Variants in SASS6 observed in about 807,000 individuals in gnomAD.
SASS6 encodes the protein SAS-6 centriolar assembly protein, also known as spindle assembly abnormal protein 6 homolog.
In SASS6, 59 loss-of-function variants were observed where a neutral mutation model predicts 94.9. That is an observed-to-expected ratio of 0.62 (90% confidence interval 0.50 to 0.77). The LOEUF (loss-of-function observed/expected upper bound fraction) is 0.77. Among genes scored for constraint, SASS6 ranks in the 30% least tolerant of loss-of-function variants. The probability of loss-of-function intolerance (pLI) is 0.00; values close to 1 mark genes in which losing one functional copy is unlikely to be tolerated. For synonymous variants in SASS6, 264 were observed against 270.0 expected, an observed-to-expected ratio of 0.98 and a Z score of 0.22; for missense variants, 698 against 734.1, an observed-to-expected ratio of 0.95 and a Z score of 0.57.
rs146081118 is a variant in SASS6, at chr1:100,126,712, G to A, written c.66-770C>T. Among the ~76,000 whole-genome samples the A allele has an allele frequency of 8.3e-3, 1,266 of 152,206 alleles. 10 individuals are homozygous for A. Among genetic ancestry groups the A allele is most frequent in the Non-Finnish European group, 0.013 (898 of 68,010 alleles). ...GAAATGCGGAACCTGGTAGGCAGAG[G>A]CTGCAGTGAGCCAATACTGCACCAC... On this transcript the variant is annotated intron_variant, in intron 1 of 16. Transcript: ENST00000287482.
At chr1:100,112,774 T>A (rs1653444455) in intron 7 of SASS6, among the ~76,000 whole-genome samples, 1 of 152,214 alleles carries the variant, frequency 6.6e-6, no homozygotes, top group Admixed American at 6.5e-5. Context: ...AGTACGGTCC[T>A]CTGAACAGAA....
chr1:100,115,386 G>GGAGA (rs750727205), intron 7 of SASS6, among the ~76,000 whole-genome samples: 1 of 145,482 alleles, frequency 6.9e-6, no homozygotes, highest in Non-Finnish European at 1.5e-5. Flanking sequence ...AGAGAAAAAG[G>GGAGA]GAGAGAGAGA....
chr1:100,128,226 G>C (rs1049162912), intron 1 of SASS6, among the ~76,000 whole-genome samples: 1 of 152,096 alleles, frequency 6.6e-6, no homozygotes, highest in Non-Finnish European at 1.5e-5. Context: ...TAGTAGAGAT[G>C]GGGTTTCACC....
At chr1:100,093,170 T>TTTTCTTTC (rs1259459019) in intron 14 of SASS6, among the ~76,000 whole-genome samples, 4 of 143,704 alleles carry the variant, frequency 2.8e-5, no homozygotes, top group Non-Finnish European at 3.0e-5. Flanking sequence ...ATACCTATTG[T>TTTTCTTTC]TTTCTTTTTT....
At chr1:100,102,777 G>C (rs954329029) in intron 14 of SASS6, among the ~76,000 whole-genome samples, 178 bp downstream of exon 14, 7 of 150,996 alleles carry the variant, frequency 4.6e-5, no homozygotes, top group East Asian at 1.9e-4. Context: ...GAAATATATA[G>C]TGCATATATT....
At chr1:100,089,623 A>G (rs1387824310) in intron 14 of SASS6, among the ~76,000 whole-genome samples, 1 of 152,142 alleles carries the variant, frequency 6.6e-6, no homozygotes, top group African/African-American at 2.4e-5. Context: ...ATAGGAAAAA[A>G]ACTTGCCAAC....
chr1:100,085,121 T>G lies in SASS6; in HGVS notation c.*207A>C. On this transcript the variant is annotated 3_prime_UTR_variant, in exon 17 of 17. Coordinates refer to ENST00000287482, the MANE Select transcript of SASS6 (RefSeq NM_194292.3). ...CGCCATGTTCACAAACCAAAAAATG[T>G]CATTTACTCACAATCTTTACCAATC... 3 of 488,774 alleles carry G rather than the reference T, an allele frequency of 6.1e-6. No homozygotes were observed. The highest frequency in any genetic ancestry group is 1.1e-5 in the Non-Finnish European group (3 of 273,558). The allele number at this position is 488,774 out of a possible 1,614,324, so 30.3% of individuals were successfully genotyped here. A position where few individuals can be genotyped will look rare whatever the true frequency, so the allele number is the denominator to read the frequency against.
At chr1:100,123,586 C>A (rs1159334859) in intron 2 of SASS6, among the ~76,000 whole-genome samples, 2 of 152,188 alleles carry the variant, frequency 1.3e-5, no homozygotes, top group Non-Finnish European at 2.9e-5. Flanking sequence ...AGACCCAGTC[C>A]TTGCTACACC....
chr1:100,132,895 G>A lies in SASS6; in HGVS notation c.-81C>T, dbSNP rs1655199759. 3 of 1,349,692 alleles carry A rather than the reference G, an allele frequency of 2.2e-6. No homozygotes were observed. Among genetic ancestry groups the A allele is most frequent in the African/African-American group, 2.9e-5 (2 of 69,014 alleles). 83.6% of individuals were successfully genotyped at this position (1,349,692 alleles called of 1,614,324 possible). A position where few individuals can be genotyped will look rare whatever the true frequency, so the allele number is the denominator to read the frequency against. On this transcript the variant is annotated 5_prime_UTR_variant, in exon 1 of 17. Coordinates refer to ENST00000287482, the MANE Select transcript of SASS6 (RefSeq NM_194292.3). ...GATTAGCCTGAGAGGTCCGGGTCCT[G>A]ATAAAGTTTGAGTTTGGCGCTCGGC...
At chr1:100,105,401 C>T (rs559846679) in intron 13 of SASS6, among the ~76,000 whole-genome samples, 40 of 152,048 alleles carry the variant, frequency 2.6e-4, no homozygotes, top group Non-Finnish European at 5.3e-4. Flanking sequence ...GTGGTGGGCG[C>T]CTATAGTCCC....
chr1:100,085,668 C>A, intron 15 of SASS6, 38 bp from the exon 16 acceptor site: 2 of 1,254,210 alleles, frequency 1.6e-6, no homozygotes, highest in South Asian at 1.2e-5. Flanking sequence ...TTAACAAAGT[C>A]TTTATTAACT....
chr1:100,095,649 T>TAAC (rs1210252129), intron 14 of SASS6, among the ~76,000 whole-genome samples: 1 of 152,332 alleles, frequency 6.6e-6, no homozygotes, highest in East Asian at 1.9e-4. Context: ...TCAGATGACA[T>TAAC]AACTGTCTAT....
At position 100,105,047 on chromosome 1, in the gene SASS6, C is replaced by CT. The variant is rs1032995521; in HGVS notation, c.1545+719dup. 2.1e-4 allele frequency among the ~76,000 whole-genome samples: 32 copies of CT among 152,222 alleles called. 1 individual carries two copies. The East Asian group carries it at 5.0e-3, about 24-fold the overall frequency. On this transcript the variant is annotated intron_variant, in intron 13 of 16. Transcript: ENST00000287482. Reference sequence around the variant, plus strand: ...AAAGGTGACAAGCCTGCTAATAGGACTTTTTTCTTTTTTACTTTCTTTTCT... The same window carrying CT: ...AAAGGTGACAAGCCTGCTAATAGGACTTTTTTTCTTTTTTACTTTCTTTTCT...
In SASS6 at chr1:100,121,398, C is replaced by T; in HGVS notation, c.463G>A (p.Gly155Ser). 1 of 1,578,090 alleles carries T rather than the reference C, an allele frequency of 6.3e-7. No individual in the cohort carries two copies. The highest frequency in any genetic ancestry group is 1.2e-5 in the South Asian group (1 of 84,388). The change falls in exon 5 of 17, where the codon GGC (glycine) becomes AGC (serine). Residue 155 changes from glycine to serine, a missense_variant. Transcript: ENST00000287482. Reference sequence around the variant, plus strand: ...CTTACCTTGCTACATTTCAAACAGCCTGCGAGAAATTTCTTTATCTCCACA... The same window carrying T: ...CTTACCTTGCTACATTTCAAACAGCTTGCGAGAAATTTCTTTATCTCCACA... ...NDVEIKKFLA[G>S]CLKCSKEEKL...
chr1:100,115,018 CA>C (rs1653679871), intron 7 of SASS6, among the ~76,000 whole-genome samples: 1 of 151,822 alleles, frequency 6.6e-6, no homozygotes, highest in Admixed American at 6.6e-5. Context: ...TCATATTTAA[CA>C]GTGAGATATT....
chr1:100,104,260 TG>T, intron 13 of SASS6, among the ~76,000 whole-genome samples: 1 of 152,226 alleles, frequency 6.6e-6, no homozygotes, highest in Non-Finnish European at 1.5e-5. Flanking sequence ...TATTCAGGCA[TG>T]ATTATGAAAC....
chr1:100,103,020 A>G lies in SASS6; in HGVS notation c.1609T>C (p.Phe537Leu). Residue 537 changes from phenylalanine (F) to leucine (L), a missense_variant, in exon 14 of 17, where the codon TTC becomes CTC. Phe to Leu is a conservative substitution (Grantham distance 22). Transcript: ENST00000287482. ...ATCGAATGAGGGAAGGTATTCTGGA[A>G]TGCAAATGCAGAGGAGACAGGATAA... ...IGYPVSSAFA[F>L]QNTFPHSISA... 5 of 1,609,004 alleles carry G rather than the reference A, an allele frequency of 3.1e-6. No individual in the cohort carries two copies. The highest frequency in any genetic ancestry group is 4.3e-6 in the Non-Finnish European group (5 of 1,175,342).
chr1:100,098,238 T>G (rs1652238800), intron 14 of SASS6, among the ~76,000 whole-genome samples: 1 of 152,036 alleles, frequency 6.6e-6, no homozygotes, highest in South Asian at 2.1e-4. Context: ...AAAACCATTT[T>G]ATAAATGTTA....
intron 8 of SASS6, among the ~76,000 whole-genome samples, chr1:100,108,623 T>G (rs1653090908): frequency 6.6e-6 from 1 of 152,116 alleles, no homozygotes; most frequent in African/African-American, 2.4e-5. Context: ...ACAATATTCC[T>G]AGATAGTTTT....
Sources: allele counts gnomAD v4.1 joint callset (sites outside exome capture counted in the v4.1 genomes callset), GRCh38; gene constraint gnomAD v4.1.1; transcripts MANE v1.5; gene names NCBI Gene and HGNC (gene_info 2026-07-23, HGNC 2026-07-21).